Variants in SYAP1 observed in about 807,000 individuals in gnomAD.
SYAP1 encodes the protein synapse associated protein 1.
A neutral mutation model predicts 29.6 loss-of-function variants in SYAP1; 3 were observed. The observed-to-expected ratio is 0.10, with a 90% CI of 0.05 to 0.26. The LOEUF is 0.26. Among genes scored for constraint, SYAP1 ranks in the 10% least tolerant of loss-of-function variants. SYAP1 has a pLI of 1.00. For synonymous variants in SYAP1, 102 were observed against 102.7 expected, an observed-to-expected ratio of 0.99 and a Z score of 0.04; for missense variants, 217 against 264.1, an observed-to-expected ratio of 0.82 and a Z score of 1.24.
At chrX:16,754,649 A>G (rs1198872975) in intron 5 of SYAP1, among the ~76,000 whole-genome samples, 5 of 110,289 alleles carry the variant, frequency 4.5e-5, no homozygotes, top group African/African-American at 1.7e-4. Flanking sequence ...AATTGCTGGA[A>G]CCCAGGAGGC....
intron 3 of SYAP1, chrX:16,736,434 G>A (rs919580870): frequency 1.1e-5 from 4 of 363,373 alleles, no homozygotes; most frequent in Non-Finnish European, 2.0e-5. Flanking sequence ...CTGGGTGAGG[G>A]CTGCCAGTGC....
At chrX:16,754,309 C>T (rs549110666) in intron 5 of SYAP1, among the ~76,000 whole-genome samples, 2 of 111,269 alleles carry the variant, frequency 1.8e-5, no homozygotes, top group Admixed American at 9.7e-5. Context: ...TTTCTTCTAC[C>T]GAGAGCAGTA....
chrX:16,764,253 C>G lies in SYAP1; in HGVS notation c.*3894C>G, dbSNP rs996942918. On this transcript the variant is annotated 3_prime_UTR_variant, in exon 9 of 9. Coordinates refer to ENST00000380155, the MANE Select transcript of SYAP1 (RefSeq NM_032796.4). ...AAATAATTTTATATAGTTACTCTTT[C>G]TAGTAATAGATACCCCCCTCCATTT... is the stretch of plus-strand genomic sequence containing the variant. The G allele has an allele frequency of 2.7e-5, 3 of 110,901 alleles. No homozygotes were observed. Among genetic ancestry groups the G allele is most frequent in the African/African-American group, 9.8e-5 (3 of 30,585 alleles). The allele number at this position is 110,901 out of a possible 1,213,427, so 9.1% of individuals were successfully genotyped here. A position where few individuals can be genotyped will look rare whatever the true frequency, so the allele number is the denominator to read the frequency against.
chrX:16,741,050 A>G (rs191357706), intron 3 of SYAP1, among the ~76,000 whole-genome samples: 2 of 110,080 alleles, frequency 1.8e-5, no homozygotes, highest in East Asian at 5.7e-4. Context: ...GTCCATTTTT[A>G]GCCAGCATAC....
chrX:16,722,092 G>A (rs936929722), intron 1 of SYAP1, among the ~76,000 whole-genome samples: 1 of 112,157 alleles, frequency 8.9e-6, no homozygotes, highest in African/African-American at 3.2e-5. Context: ...CAAGAGAGAT[G>A]ATCAGATATT....
intron 5 of SYAP1, 79 bp from the exon 6 acceptor site, chrX:16,754,866 A>G: frequency 9.7e-7 from 1 of 1,025,694 alleles, no homozygotes; most frequent in Non-Finnish European, 1.4e-6. Flanking sequence ...GCGTTCTCAA[A>G]TGTGTTCTTG....
intron 1 of SYAP1, among the ~76,000 whole-genome samples, chrX:16,734,812 A>T (rs1261342876): frequency 1.8e-5 from 2 of 109,233 alleles, no homozygotes; most frequent in African/African-American, 6.7e-5. Flanking sequence ...TCTGACCAAC[A>T]TGGTGAAACT....
At chrX:16,751,909 C>T (rs1184769077) in intron 5 of SYAP1, among the ~76,000 whole-genome samples, 1 of 105,264 alleles carries the variant, frequency 9.5e-6, no homozygotes, top group Non-Finnish European at 1.9e-5. Flanking sequence ...CTCCTGACCT[C>T]AGGTGATCTG....
chrX:16,757,039 C>A, intron 7 of SYAP1, 123 bp from the exon 8 acceptor site: 1 of 921,931 alleles, frequency 1.1e-6, no homozygotes, highest in African/African-American at 2.0e-5. Flanking sequence ...TGCTCATTGT[C>A]TTACAGCTCG....
At chrX:16,722,862 A>C (rs1323922169) in intron 1 of SYAP1, among the ~76,000 whole-genome samples, 3 of 112,657 alleles carry the variant, frequency 2.7e-5, no homozygotes, top group Non-Finnish European at 5.6e-5. Context: ...TAAGTTGGTT[A>C]GTTGGTTTTT....
At chrX:16,725,518 C>T (rs955829745) in intron 1 of SYAP1, among the ~76,000 whole-genome samples, 3 of 111,850 alleles carry the variant, frequency 2.7e-5, no homozygotes, top group Admixed American at 1.9e-4. Flanking sequence ...CTGTCTTCAA[C>T]GTGGTGTCAG....
chrX:16,754,295 A>G (rs1184466637), intron 5 of SYAP1, among the ~76,000 whole-genome samples: 1 of 111,499 alleles, frequency 9.0e-6, no homozygotes, highest in Admixed American at 9.6e-5. Flanking sequence ...CAACAATGCC[A>G]TGTTTTCTTC....
chrX:16,741,616 G>A (rs1202487872), intron 3 of SYAP1, 100 bp from the exon 4 acceptor site: 1 of 529,730 alleles, frequency 1.9e-6, no homozygotes, highest in African/African-American at 2.4e-5. Context: ...TACTTTTAGT[G>A]GTCATGCAGA....
intron 8 of SYAP1, among the ~76,000 whole-genome samples, chrX:16,759,368 A>C (rs981997367): frequency 1.8e-5 from 2 of 110,700 alleles, no homozygotes; most frequent in African/African-American, 6.6e-5. Flanking sequence ...CTGTCTCAAA[A>C]AAAAAAAAGA....
At chrX:16,751,805 C>T (rs1926738167) in intron 5 of SYAP1, among the ~76,000 whole-genome samples, 1 of 102,393 alleles carries the variant, frequency 9.8e-6, no homozygotes, top group Middle Eastern at 5.2e-3. Context: ...CAGCCTCCTG[C>T]GTAGCCGGGA....
At chrX:16,741,344 C>T (rs777924871) in intron 3 of SYAP1, among the ~76,000 whole-genome samples, 18 of 110,502 alleles carry the variant, frequency 1.6e-4, no homozygotes, top group African/African-American at 3.0e-4. Context: ...ACTACAGGCA[C>T]GCACAACGTC....
At chrX:16,730,764 C>G (rs1264589374) in intron 1 of SYAP1, among the ~76,000 whole-genome samples, 1 of 112,329 alleles carries the variant, frequency 8.9e-6, no homozygotes, top group Non-Finnish European at 1.9e-5. Context: ...TTTAAACATC[C>G]AGTTACTTTA....
At chrX:16,736,790 G>A (rs951457117) in intron 3 of SYAP1, among the ~76,000 whole-genome samples, 9 of 112,239 alleles carry the variant, frequency 8.0e-5, no homozygotes, top group African/African-American at 2.9e-4. Context: ...TTATAGGCAT[G>A]AGCCACTGCA....
Position 16,760,385 on chromosome X carries a change from C to T in SYAP1, c.*26C>T. The T allele has an allele frequency of 8.9e-7, 1 of 1,127,957 alleles. No homozygotes were observed. Among genetic ancestry groups the T allele is most frequent in the Admixed American group, 2.9e-5 (1 of 34,158 alleles). The allele number at this position is 1,127,957 out of a possible 1,213,427, so 93.0% of individuals were successfully genotyped here. On this transcript the variant is annotated 3_prime_UTR_variant, in exon 9 of 9. Transcript: ENST00000380155. ...CTGTTCCTGAAATAGAAGAATAATC[C>T]TTAACAGTCTGCAAACTGACATTAA...
Sources: gnomAD v4.1 joint callset for allele counts (sites outside exome capture counted in the v4.1 genomes callset) on GRCh38, gnomAD v4.1.1 for gene constraint, MANE v1.5 for transcripts, NCBI Gene and HGNC (gene_info 2026-07-23, HGNC 2026-07-21) for gene names.